The following KXD1 variants were observed in gnomAD, a reference collection of about 807,000 sequenced individuals.
KXD1 encodes kxDL motif-containing protein 1.
In KXD1, 5 loss-of-function variants were observed where a neutral mutation model predicts 12.1. The ratio of observed to expected loss-of-function variants is 0.41; its 90% CI spans 0.22 to 0.87. KXD1 has a LOEUF of 0.87. Ranked by LOEUF, KXD1 falls within the 40% of genes least tolerant of loss-of-function variation. KXD1 has a pLI of 0.31. For missense variants in KXD1, 193 were observed against 244.9 expected (o/e 0.79, Z 1.41); for synonymous variants, 98 against 100.5 (o/e 0.98, Z 0.15).
intron 2 of KXD1, among the ~76,000 whole-genome samples, chr19:18,563,009 A>G (rs138400057): frequency 2.6e-5 from 4 of 152,392 alleles, no homozygotes; most frequent in African/African-American, 7.2e-5. Flanking sequence ...GGGCCAACAC[A>G]AATTCGTAAA....
At chr19:18,564,558 G>C (rs1975105832) in intron 2 of KXD1, among the ~76,000 whole-genome samples, 2 of 152,152 alleles carry the variant, frequency 1.3e-5, no homozygotes, top group Admixed American at 6.5e-5. Flanking sequence ...GGGAGACGGA[G>C]CTTGCAGTGA....
In KXD1 at chr19:18,568,602, A is replaced by G. The variant is rs758215169; in HGVS notation, c.502A>G (p.Thr168Ala). The change falls in exon 5 of 5, where the codon ACA (threonine) becomes GCA (alanine). Residue 168 changes from threonine (T) to alanine (A), a missense_variant. Transcript: ENST00000222307. ...GSPAINGRSQ[T>A]DDEEMTGE ...CCCAGCCATCAACGGCCGCAGCCAG[A>G]CAGATGACGAGGAGATGACGGGCGA... is the stretch of plus-strand genomic sequence containing the variant. 1 of 1,612,360 alleles carries G rather than the reference A, an allele frequency of 6.2e-7. No individual in the cohort carries two copies. The highest frequency in any genetic ancestry group is 8.5e-7 in the Non-Finnish European group (1 of 1,180,004).
At chr19:18,565,140 CT>C in intron 3 of KXD1, 119 bp downstream of exon 3, 1 of 1,505,500 alleles carries the variant, frequency 6.6e-7, no homozygotes, top group Non-Finnish European at 8.8e-7. Context: ...CAAGGCTTCA[CT>C]GCGCACTTAA....
intron 4 of KXD1, 78 bp from the exon 5 acceptor site, chr19:18,568,324 G>A: frequency 1.9e-6 from 2 of 1,067,074 alleles, no homozygotes; most frequent in South Asian, 2.8e-5. Flanking sequence ...CAGCCGTTAG[G>A]GGTCACATGG....
chr19:18,568,923 C>G lies in KXD1; in HGVS notation c.*292C>G. 6.6e-6 allele frequency: 3 copies of G among 453,082 alleles called. No individual in the cohort carries two copies. The South Asian group carries it at 7.7e-5, about 12-fold the overall frequency. The allele number at this position is 453,082 out of a possible 1,614,324, so 28.1% of individuals were successfully genotyped here. On this transcript the variant is annotated 3_prime_UTR_variant, in exon 5 of 5. Coordinates refer to ENST00000222307, the MANE Select transcript of KXD1 (RefSeq NM_024069.4). ...TGGGCACAGGGGAATTTTTCCAGAG[C>G]TGAGCCTGACGTCTGCTCTGAAGAA...
At chr19:18,563,647 G>A (rs1006910275) in intron 2 of KXD1, among the ~76,000 whole-genome samples, 3 of 152,030 alleles carry the variant, frequency 2.0e-5, no homozygotes, top group African/African-American at 7.2e-5. Context: ...GGGACTACAG[G>A]TGTGCGCCAC....
In KXD1 at chr19:18,565,103, G is replaced by A. The variant is rs568388603; in HGVS notation, c.254+82G>A. ...AGCCTCAGTTTCCTTCACATACCAGGGTAAAGGGAGATTTCTGTTTGTTTT... is the reference window on the plus strand; with the variant it reads ...AGCCTCAGTTTCCTTCACATACCAGAGTAAAGGGAGATTTCTGTTTGTTTT... On this transcript the variant is annotated intron_variant, in intron 3 of 4. Transcript: ENST00000222307. 2.6e-6 allele frequency: 4 copies of A among 1,554,226 alleles called. No homozygotes were observed. The South Asian group carries it at 4.6e-5, about 18-fold the overall frequency.
intron 2 of KXD1, among the ~76,000 whole-genome samples, chr19:18,564,175 A>G (rs28451415): frequency 0.68 from 103,438 of 151,530 alleles, 36,555 homozygotes; most frequent in African/African-American, 0.89. Flanking sequence ...ATGAGCCCCC[A>G]TGCCCGGCTG....
Position 18,568,469 on chromosome 19 carries a change from C to T in KXD1, c.369C>T (p.Thr123=), listed in dbSNP as rs1376575286. ...EDPIPPSTTT[T]IATSEQSTGS... Reference sequence around the variant, plus strand: ...CCATCCCACCCAGCACCACGACCACCATTGCCACCTCAGAACAGAGCACGG... The same window carrying T: ...CCATCCCACCCAGCACCACGACCACTATTGCCACCTCAGAACAGAGCACGG... Residue 123 remains threonine, a synonymous_variant, in exon 5 of 5, where the codon ACC becomes ACT. Transcript: ENST00000222307. The T allele has an allele frequency of 1.2e-6, 2 of 1,614,070 alleles. No homozygotes were observed. The highest frequency in any genetic ancestry group is 4.5e-5 in the East Asian group (2 of 44,866).
At chr19:18,567,681 G>A (rs1356590466) in intron 4 of KXD1, among the ~76,000 whole-genome samples, 3 of 152,172 alleles carry the variant, frequency 2.0e-5, no homozygotes, top group Non-Finnish European at 4.4e-5. Flanking sequence ...TGTTCTCTGG[G>A]GTACCATTCC....
chr19:18,559,076 C>T (rs1977032033), intron 1 of KXD1: 1 of 150,790 alleles, frequency 6.6e-6, no homozygotes, highest in Admixed American at 6.7e-5. Flanking sequence ...CAACCTCTGC[C>T]TCCCGGGTTC....
chr19:18,558,352 T>G (rs1977002181), intron 1 of KXD1: 3 of 152,198 alleles, frequency 2.0e-5, no homozygotes, highest in Non-Finnish European at 4.4e-5. Context: ...TGCCTCTCCC[T>G]GTGAGTTTCG....
intron 2 of KXD1, 111 bp downstream of exon 2, chr19:18,562,268 T>G (rs777571747): frequency 9.4e-5 from 69 of 730,906 alleles, no homozygotes; most frequent in Non-Finnish European, 1.3e-4. Flanking sequence ...ATGAAGGAAA[T>G]GAGCAAATCT....
chr19:18,564,667 G>C lies in KXD1; in HGVS notation c.102-202G>C, dbSNP rs545571036. ...AGAGGTAGACAAGGCTACATGAGAA[G>C]GACACACTTGAGTAGGGTTTTGAAG... On this transcript the variant is annotated intron_variant, in intron 2 of 4. Coordinates refer to ENST00000222307, the MANE Select transcript of KXD1 (RefSeq NM_024069.4). Among the ~76,000 whole-genome samples the C allele has an allele frequency of 2.6e-5, 4 of 152,256 alleles. No homozygotes were observed. In the East Asian group the frequency reaches 7.7e-4, roughly 29 times the overall value.
At chr19:18,561,141 G>T (rs1226151513) in intron 1 of KXD1, among the ~76,000 whole-genome samples, 1 of 152,110 alleles carries the variant, frequency 6.6e-6, no homozygotes, top group African/African-American at 2.4e-5. Flanking sequence ...AGTGGCTCAG[G>T]CCTGTAATCC....
chr19:18,564,760 T>C, intron 2 of KXD1, 109 bp from the exon 3 acceptor site: 2 of 1,260,346 alleles, frequency 1.6e-6, no homozygotes, highest in Non-Finnish European at 1.1e-6. Flanking sequence ...GAACAGCCCA[T>C]GCAAAGGTTG....
At position 18,564,986 on chromosome 19, in the gene KXD1, G is replaced by A; in HGVS notation, c.219G>A (p.Met73Ile). 1 of 1,609,844 alleles carries A rather than the reference G, an allele frequency of 6.2e-7. No individual in the cohort carries two copies. The change falls in exon 3 of 5, where the codon ATG becomes ATA. Residue 73 changes from methionine to isoleucine, a missense_variant. By Grantham distance (10) the Met-to-Ile change is conservative. Transcript: ENST00000222307. Reference protein sequence around the residue: ...FLHHTRTLVEMKRDLDSIFRR... With the variant: ...FLHHTRTLVEIKRDLDSIFRR... ...ACCACACGAGGACCCTAGTAGAGAT[G>A]AAACGGGACCTGGACAGCATCTTCC...
chr19:18,567,252 C>A, intron 4 of KXD1, 74 bp downstream of exon 4: 1 of 1,465,918 alleles, frequency 6.8e-7, no homozygotes, highest in Non-Finnish European at 9.5e-7. Context: ...TGGAAGGCCA[C>A]CTTGGGGCCT....
At chr19:18,565,551 TG>T (rs1476058753) in intron 3 of KXD1, among the ~76,000 whole-genome samples, 9 of 152,048 alleles carry the variant, frequency 5.9e-5, no homozygotes, top group African/African-American at 2.2e-4. Context: ...TCTTGATCTG[TG>T]GCCCTGGCTG....
Sources: allele counts gnomAD v4.1 joint callset (sites outside exome capture counted in the v4.1 genomes callset), GRCh38; gene constraint gnomAD v4.1.1; transcripts MANE v1.5; gene names NCBI Gene and HGNC (gene_info 2026-07-23, HGNC 2026-07-21).